BLNK: variants seen among roughly 807,000 people sequenced by gnomAD.
BLNK encodes the protein B cell linker.
A neutral mutation model predicts 73.5 loss-of-function variants in BLNK; 29 were observed. The observed-to-expected ratio is 0.39, with a 90% CI of 0.29 to 0.54. BLNK has a LOEUF of 0.54. BLNK is among the 20% of genes least tolerant of loss of function. The pLI, the probability that BLNK is intolerant of heterozygous loss-of-function variation, is 0.61. For synonymous variants in BLNK, 176 were observed against 200.8 expected (o/e 0.88, Z 1.04); for missense variants, 460 against 562.8 (o/e 0.82, Z 1.85).
chr10:96,194,879 T>C (rs1401885822), intron 16 of BLNK, among the ~76,000 whole-genome samples: 1 of 146,258 alleles, frequency 6.8e-6, no homozygotes, highest in Admixed American at 7.2e-5. Context: ...CACGCCATTC[T>C]CCTGCCTCAG....
chr10:96,219,629 T>G (rs75392355), intron 6 of BLNK, among the ~76,000 whole-genome samples: 5,141 of 152,340 alleles, frequency 0.034, 108 homozygotes, highest in Middle Eastern at 0.068. Flanking sequence ...ATTTTGTACT[T>G]GTTTTGTTCT....
chr10:96,261,035 G>A (rs1417549271), intron 1 of BLNK, among the ~76,000 whole-genome samples: 10 of 152,032 alleles, frequency 6.6e-5, no homozygotes, highest in African/African-American at 2.4e-4. Flanking sequence ...TGTAGAGACA[G>A]GGTTTCGCCA....
In BLNK at chr10:96,227,581, G is replaced by A. The variant is rs199854336; in HGVS notation, c.205-15C>T. 724 of 1,613,782 alleles carry A rather than the reference G, an allele frequency of 4.5e-4. 2 individuals carry two copies. Among genetic ancestry groups the A allele is most frequent in the Non-Finnish European group, 5.6e-4 (664 of 1,180,042 alleles). On this transcript the variant is annotated splice_polypyrimidine_tract_variant and intron_variant, in intron 4 of 16. Transcript: ENST00000224337. ...TAGTCGCTGTCCTGCAAGTGCAGAT[G>A]CAGACACTGTGCTCAGCATCCCCGT...
chr10:96,253,770 C>T (rs1554909971), intron 1 of BLNK, among the ~76,000 whole-genome samples: 5 of 151,856 alleles, frequency 3.3e-5, no homozygotes, highest in Admixed American at 1.3e-4. Context: ...AATCCCAGCA[C>T]TTTGGGAGGC....
At chr10:96,241,636 A>G (rs1554906251) in intron 3 of BLNK, among the ~76,000 whole-genome samples, 2 of 150,468 alleles carry the variant, frequency 1.3e-5, no homozygotes, top group African/African-American at 2.5e-5. Flanking sequence ...CTTACCCCAC[A>G]CTCCCAGCCA....
At chr10:96,231,513 G>A (rs782719249) in intron 3 of BLNK, among the ~76,000 whole-genome samples, 170 of 152,262 alleles carry the variant, frequency 1.1e-3, no homozygotes, top group South Asian at 2.1e-3. Context: ...GGTTGCTTGA[G>A]CCCAGGAGTT....
Position 96,220,651 on chromosome 10 carries a change from T to C in BLNK, c.525+3175A>G, listed in dbSNP as rs191515033. On this transcript the variant is annotated intron_variant, in intron 6 of 16. Transcript: ENST00000224337. The stretch of plus-strand genomic sequence containing the variant: ...TTTTAATACCAACCCCCTTCTTTCA[T>C]GAACAAAACACAAAAACTTGACTTC... Among the ~76,000 whole-genome samples, 426 of 152,324 alleles carry C rather than the reference T, an allele frequency of 2.8e-3. 1 individual carries two copies. The highest frequency in any genetic ancestry group is 4.8e-3 in the Admixed American group (74 of 15,300).
chr10:96,191,761 C>T lies in BLNK; in HGVS notation c.*212G>A. ...TAGTAGCATGATAACTCAACCTCACCAGATATTAACAGTTCATCAGGTCAG... is the reference window on the plus strand; with the variant it reads ...TAGTAGCATGATAACTCAACCTCACTAGATATTAACAGTTCATCAGGTCAG... On this transcript the variant is annotated 3_prime_UTR_variant, in exon 17 of 17. Transcript: ENST00000224337. 1.9e-6 allele frequency: 1 copy of T among 533,588 alleles called. No individual in the cohort carries two copies. Among genetic ancestry groups the T allele is most frequent in the South Asian group, 2.4e-5 (1 of 41,012 alleles). 33.1% of individuals were successfully genotyped at this position (533,588 alleles called of 1,614,324 possible).
intron 1 of BLNK, among the ~76,000 whole-genome samples, chr10:96,250,038 C>G (rs1489980504): frequency 6.6e-6 from 1 of 152,136 alleles, no homozygotes; most frequent in Non-Finnish European, 1.5e-5. Flanking sequence ...ATGTATGTGT[C>G]AGGGGTCTGG....
rs1184722702 is a variant in BLNK at position 96,223,728 on chromosome 10, GT to G, written c.525+97del. 5 of 1,434,060 alleles carry G rather than the reference GT, an allele frequency of 3.5e-6. No homozygotes were observed. In the Admixed American group the frequency reaches 8.5e-5, roughly 24 times the overall value. The allele number at this position is 1,434,060 out of a possible 1,614,324, so 88.8% of individuals were successfully genotyped here. A position where few individuals can be genotyped will look rare whatever the true frequency, so the allele number is the denominator to read the frequency against. On this transcript the variant is annotated intron_variant, in intron 6 of 16. Transcript: ENST00000224337. Reference sequence around the variant, plus strand: ...AGTTAGAGGGGGCAGTCAATAGCAGGTTGTAAAGAAGGAGGACAGCCAGCGG... The same window carrying G: ...AGTTAGAGGGGGCAGTCAATAGCAGGTGTAAAGAAGGAGGACAGCCAGCGG...
intron 9 of BLNK, among the ~76,000 whole-genome samples, chr10:96,209,070 C>T (rs373261033): frequency 6.6e-6 from 1 of 152,186 alleles, no homozygotes; most frequent in Non-Finnish European, 1.5e-5. Flanking sequence ...ACATTACAAT[C>T]GTCACCTGAC....
rs77607814 is a variant in BLNK at position 96,241,224 on chromosome 10, A to G, written c.163+1511T>C. ...GGCCGAAAAAATAAAATAAAATAGT[A>G]AGCATCATTTAAGGTTATGGTTTGG... On this transcript the variant is annotated intron_variant, in intron 3 of 16. Coordinates refer to ENST00000224337, the MANE Select transcript of BLNK (RefSeq NM_013314.4). 6.1e-3 allele frequency among the ~76,000 whole-genome samples: 928 copies of G among 152,334 alleles called. 62 individuals carry two copies. The East Asian group carries it at 0.14, about 22-fold the overall frequency.
At chr10:96,244,156 C>T (rs73316902) in intron 2 of BLNK, among the ~76,000 whole-genome samples, 2,696 of 152,184 alleles carry the variant, frequency 0.018, 84 homozygotes, top group African/African-American at 0.058. Context: ...TTCAATTCTC[C>T]TCACAAGCCA....
Position 96,191,645 on chromosome 10 carries a change from C to T in BLNK, c.*328G>A. 1 of 215,602 alleles carries T rather than the reference C, an allele frequency of 4.6e-6. No homozygotes were observed. Among genetic ancestry groups the T allele is most frequent in the Admixed American group, 5.4e-5 (1 of 18,588 alleles). 13.4% of individuals were successfully genotyped at this position (215,602 alleles called of 1,614,324 possible). The stretch of plus-strand genomic sequence containing the variant: ...CATTGTGGAGGTTTAAATTTCCAGC[C>T]ACTTTGTTTTATGCAAGAGCATTAT... On this transcript the variant is annotated 3_prime_UTR_variant, in exon 17 of 17. Transcript: ENST00000224337.
At chr10:96,267,084 T>C (rs1844037495) in intron 1 of BLNK, among the ~76,000 whole-genome samples, 1 of 152,214 alleles carries the variant, frequency 6.6e-6, no homozygotes, top group Non-Finnish European at 1.5e-5. Flanking sequence ...CTTCTAAATA[T>C]ATCAAGAAAT....
chr10:96,216,262 T>C (rs1554899818), intron 7 of BLNK: 1 of 242,644 alleles, frequency 4.1e-6, no homozygotes, highest in East Asian at 9.0e-5. Context: ...CATATTTCAC[T>C]CTTTCATTTT....
Position 96,204,615 on chromosome 10 carries a change from T to G in BLNK, c.819A>C (p.Glu273Asp). 6.2e-7 allele frequency: 1 copy of G among 1,613,990 alleles called. No individual in the cohort carries two copies. Among genetic ancestry groups the G allele is most frequent in the Non-Finnish European group, 8.5e-7 (1 of 1,179,878 alleles). ...GGTGGCGTTCAGCAGGTATAGGTTT[T>G]TCTGGATCAGGAAAATTATCATATT... ...SQQNASSVCE[E>D]KPIPAERHRG... The change falls in exon 12 of 17, where the codon GAA becomes GAC. Residue 273 changes from glutamate (E) to aspartate (D), a missense_variant and splice_region_variant. Coordinates refer to ENST00000224337, the MANE Select transcript of BLNK (RefSeq NM_013314.4).
At chr10:96,194,564 A>G (rs2083410591) in intron 16 of BLNK, among the ~76,000 whole-genome samples, 1 of 152,194 alleles carries the variant, frequency 6.6e-6, no homozygotes, top group South Asian at 2.1e-4. Context: ...AAGGTAACCT[A>G]TGGAGTGGGA....
At chr10:96,261,534 T>G (rs1437089486) in intron 1 of BLNK, among the ~76,000 whole-genome samples, 1 of 152,226 alleles carries the variant, frequency 6.6e-6, no homozygotes, top group Non-Finnish European at 1.5e-5. Context: ...TCGGGTATAT[T>G]AAGCCCAATC....
Sources: gnomAD v4.1 joint callset for allele counts (sites outside exome capture counted in the v4.1 genomes callset) on GRCh38, gnomAD v4.1.1 for gene constraint, MANE v1.5 for transcripts, NCBI Gene and HGNC (gene_info 2026-07-23, HGNC 2026-07-21) for gene names.